Variants in FGGY observed in about 807,000 individuals in gnomAD.
The protein encoded by FGGY is FGGY carbohydrate kinase domain containing, also known as FGGY carbohydrate kinase domain-containing protein.
Under a neutral mutation model 71.3 loss-of-function variants are expected in FGGY, and 72 were observed. The ratio of observed to expected loss-of-function variants is 1.01; its 90% confidence interval spans 0.84 to 1.23. The LOEUF (loss-of-function observed/expected upper bound fraction) is 1.23. FGGY is among the 50% of genes most tolerant of loss of function. The pLI is 0.00. For synonymous variants in FGGY, 251 were observed against 250.3 expected, an observed-to-expected ratio of 1.00 and a Z score of -0.02; for missense variants, 668 against 682.3, an observed-to-expected ratio of 0.98 and a Z score of 0.23.
chr1:59,585,431 G>A (rs372773039), intron 8 of FGGY, among the ~76,000 whole-genome samples: 27 of 152,172 alleles, frequency 1.8e-4, no homozygotes, highest in South Asian at 1.0e-3. Flanking sequence ...AGGATTCCCT[G>A]TTTAATAAAT....
intron 8 of FGGY, among the ~76,000 whole-genome samples, chr1:59,578,328 G>C (rs1212036744): frequency 6.6e-6 from 1 of 152,010 alleles, no homozygotes; most frequent in East Asian, 1.9e-4. Context: ...GCTTTGGACA[G>C]GCACCACACC....
intron 9 of FGGY, among the ~76,000 whole-genome samples, chr1:59,617,784 C>T (rs1223716799): frequency 6.6e-6 from 1 of 151,990 alleles, no homozygotes; most frequent in Non-Finnish European, 1.5e-5. Context: ...GTTCCTAAGC[C>T]ACTGCTATGG....
At chr1:59,299,576 C>T (rs1209651049) in intron 1 of FGGY, among the ~76,000 whole-genome samples, 1 of 151,996 alleles carries the variant, frequency 6.6e-6, no homozygotes. Flanking sequence ...AGGTTCAGTG[C>T]CACAAAAGAA....
intron 11 of FGGY, among the ~76,000 whole-genome samples, chr1:59,647,816 T>A (rs1346984316): frequency 2.9e-5 from 4 of 135,832 alleles, no homozygotes; most frequent in African/African-American, 5.7e-5. Flanking sequence ...GTTACATATG[T>A]ATACATGTGC....
At chr1:59,731,089 CAG>C (rs1237783800) in intron 14 of FGGY, among the ~76,000 whole-genome samples, 1 of 152,226 alleles carries the variant, frequency 6.6e-6, no homozygotes, top group Non-Finnish European at 1.5e-5. Context: ...AAGCACGACT[CAG>C]AGTCTGGTGG....
intron 1 of FGGY, among the ~76,000 whole-genome samples, chr1:59,307,279 A>C (rs1362862668): frequency 7.0e-6 from 1 of 142,506 alleles, no homozygotes; most frequent in Non-Finnish European, 1.5e-5. Flanking sequence ...GCATCACTAC[A>C]CTCCAGCCTG....
At chr1:59,431,530 T>C (rs1051327943) in intron 5 of FGGY, among the ~76,000 whole-genome samples, 9 of 152,230 alleles carry the variant, frequency 5.9e-5, no homozygotes, top group African/African-American at 1.7e-4. Context: ...AGTTAGATTA[T>C]TTGTTTATCT....
At chr1:59,517,511 C>T (rs911006865) in intron 7 of FGGY, among the ~76,000 whole-genome samples, 13 of 151,970 alleles carry the variant, frequency 8.6e-5, no homozygotes, top group African/African-American at 1.5e-4. Flanking sequence ...GTGATCCGCC[C>T]GCCTCGGCCT....
At chr1:59,381,559 T>C (rs2059447044) in intron 5 of FGGY, among the ~76,000 whole-genome samples, 1 of 152,090 alleles carries the variant, frequency 6.6e-6, no homozygotes, top group African/African-American at 2.4e-5. Flanking sequence ...GCTCCATTAA[T>C]ATCTTATGGG....
intron 8 of FGGY, among the ~76,000 whole-genome samples, chr1:59,604,169 C>T (rs2153812891): frequency 6.6e-6 from 1 of 152,336 alleles, no homozygotes; most frequent in South Asian, 2.1e-4. Flanking sequence ...GTATGATGAG[C>T]TCCCCTTCTT....
rs142163034 is a variant in FGGY at position 59,437,876 on chromosome 1, C to A, written c.555-19085C>A. Among the ~76,000 whole-genome samples the A allele has an allele frequency of 8.9e-3, 1,360 of 152,260 alleles. 10 individuals carry two copies. Among genetic ancestry groups the A allele is most frequent in the Middle Eastern group, 0.017 (5 of 294 alleles). On this transcript the variant is annotated intron_variant, in intron 5 of 15. Coordinates refer to ENST00000303721, the MANE Select transcript of FGGY (RefSeq NM_018291.5). ...AATCATGTAGTGAAGTAGTGAGGCC[C>A]ACATGGCCTCTGACCAGTCAGGGAG...
intron 7 of FGGY, among the ~76,000 whole-genome samples, chr1:59,520,908 C>G (rs1316460156): frequency 6.6e-6 from 1 of 151,882 alleles, no homozygotes; most frequent in Non-Finnish European, 1.5e-5. Context: ...CAGATCAGAC[C>G]AGAGCAGAAC....
At chr1:59,584,555 C>A (rs1172928370) in intron 8 of FGGY, among the ~76,000 whole-genome samples, 2 of 149,930 alleles carry the variant, frequency 1.3e-5, no homozygotes, top group East Asian at 3.9e-4. Flanking sequence ...AAACCCACAG[C>A]CAATATCATA....
intron 4 of FGGY, among the ~76,000 whole-genome samples, chr1:59,349,540 A>G (rs946525485): frequency 1.3e-5 from 2 of 152,136 alleles, no homozygotes; most frequent in East Asian, 1.9e-4. Flanking sequence ...ACTGCACTAA[A>G]TAAATCCCAT....
chr1:59,530,795 G>A (rs944281743), intron 7 of FGGY, among the ~76,000 whole-genome samples: 18 of 152,150 alleles, frequency 1.2e-4, no homozygotes, highest in African/African-American at 4.3e-4. Flanking sequence ...AAATAGAAGT[G>A]TGAGAGATAT....
At chr1:59,671,224 G>A (rs959510404) in intron 13 of FGGY, among the ~76,000 whole-genome samples, 4 of 152,140 alleles carry the variant, frequency 2.6e-5, no homozygotes, top group Admixed American at 6.5e-5. Context: ...AAAATGTGTC[G>A]GTGTCAGTCA....
intron 6 of FGGY, among the ~76,000 whole-genome samples, chr1:59,485,614 A>C (rs2093634352): frequency 6.6e-6 from 1 of 152,200 alleles, no homozygotes; most frequent in African/African-American, 2.4e-5. Flanking sequence ...TTAGAAAATC[A>C]CTGTTTTGTA....
In FGGY at chr1:59,517,676, C is replaced by A. The variant is rs1309627173; in HGVS notation, c.799+5237C>A. On this transcript the variant is annotated intron_variant, in intron 7 of 15. Transcript: ENST00000303721. ...TCTTGCGCTTGCAGGTTTGTGTGTG[C>A]CACATTGCCTCATCTACTAATTTAT... Among the ~76,000 whole-genome samples the A allele has an allele frequency of 2.0e-5, 3 of 152,114 alleles. No individual in the cohort carries two copies. In the East Asian group the frequency reaches 5.8e-4, roughly 29 times the overall value.
chr1:59,641,425 C>T (rs1280137157), intron 11 of FGGY: 2 of 1,226,140 alleles, frequency 1.6e-6, no homozygotes, highest in East Asian at 2.3e-5. Context: ...ATGTGCAGGC[C>T]TGTGCTAAAC....
Sources: allele counts gnomAD v4.1 joint callset (sites outside exome capture counted in the v4.1 genomes callset), GRCh38; gene constraint gnomAD v4.1.1; transcripts MANE v1.5; gene names NCBI Gene and HGNC (gene_info 2026-07-23, HGNC 2026-07-21).